The following RASA2 variants were observed in gnomAD, a reference collection of about 807,000 sequenced individuals.
RASA2 encodes RAS p21 protein activator 2.
A neutral mutation model predicts 118.2 loss-of-function variants in RASA2; 155 were observed. The observed-to-expected ratio is 1.31, with a 90% CI of 1.15 to 1.50. RASA2 has a LOEUF of 1.50. Among genes scored for constraint, RASA2 ranks in the 40% most tolerant of loss-of-function variants. The probability of loss-of-function intolerance (pLI) is 0.00; values close to 1 mark genes in which losing one functional copy is unlikely to be tolerated. For synonymous variants in RASA2, 353 were observed against 349.1 expected (o/e 1.01, Z -0.12); for missense variants, 1,016 against 1,009.6 (o/e 1.01, Z -0.09).
chr3:141,549,484 C>CGTGTGTGTGTGTGT (rs56036122), intron 5 of RASA2, among the ~76,000 whole-genome samples: 39 of 145,296 alleles, frequency 2.7e-4, no homozygotes, highest in East Asian at 1.0e-3. Flanking sequence ...TGTGTGTGTG[C>CGTGTGTGTGTGTGT]GTGTGTGTGT....
At chr3:141,567,834 G>A (rs2082846081) in intron 9 of RASA2, among the ~76,000 whole-genome samples, 1 of 152,168 alleles carries the variant, frequency 6.6e-6, no homozygotes, top group African/African-American at 2.4e-5. Context: ...AGAGGTTGAG[G>A]ATTTTCTGCA....
chr3:141,600,248 G>A (rs1577817596), intron 19 of RASA2: 5 of 513,822 alleles, frequency 9.7e-6, no homozygotes, highest in South Asian at 7.4e-5. Flanking sequence ...AGGAAAGAAG[G>A]AGGACACCCT....
chr3:141,547,626 G>A (rs1473005026), intron 5 of RASA2, among the ~76,000 whole-genome samples: 2 of 152,068 alleles, frequency 1.3e-5, no homozygotes, highest in African/African-American at 4.8e-5. Flanking sequence ...TTCCAAATAA[G>A]ATCATATCAT....
At chr3:141,572,466 T>C (rs905384588) in intron 11 of RASA2, 143 bp from the exon 12 acceptor site, 2 of 572,426 alleles carry the variant, frequency 3.5e-6, no homozygotes. Flanking sequence ...TAAAAATTAC[T>C]AAAATTGTAG....
chr3:141,573,447 C>T (rs1047275467), intron 13 of RASA2, among the ~76,000 whole-genome samples: 1 of 152,108 alleles, frequency 6.6e-6, no homozygotes, highest in Admixed American at 6.5e-5. Context: ...CTTTTTGGCT[C>T]TAGTAACAAT....
intron 9 of RASA2, among the ~76,000 whole-genome samples, chr3:141,564,542 G>T (rs1277875590): frequency 6.6e-6 from 1 of 152,166 alleles, no homozygotes; most frequent in African/African-American, 2.4e-5. Flanking sequence ...GGGGGTAGGG[G>T]ATTCTGGTCC....
intron 19 of RASA2, among the ~76,000 whole-genome samples, chr3:141,593,849 T>C (rs1294388526): frequency 1.6e-4 from 25 of 152,150 alleles, no homozygotes; most frequent in Admixed American, 1.6e-3. Context: ...CAAGGGAAGG[T>C]AACTGAATCC....
intron 5 of RASA2, among the ~76,000 whole-genome samples, chr3:141,547,434 G>C (rs1452154216): frequency 6.6e-6 from 1 of 151,892 alleles, no homozygotes; most frequent in African/African-American, 2.4e-5. Context: ...TTAATTCCTA[G>C]CTATTTTGTT....
At chr3:141,590,289 C>T (rs991932147) in intron 19 of RASA2, 2 of 389,722 alleles carry the variant, frequency 5.1e-6, no homozygotes, top group African/African-American at 4.2e-5. Context: ...CAGCTAAATG[C>T]CTTGGACTGC....
Position 141,512,227 on chromosome 3 carries a change from A to G in RASA2, c.198A>G (p.Ile66Met), listed in dbSNP as rs1389077661. 1 of 1,598,212 alleles carries G rather than the reference A, an allele frequency of 6.3e-7. No individual in the cohort carries two copies. ...PHKMRDCFCT[I>M]NLDQEEVYRT... Reference sequence around the variant, plus strand: ...AAATGAGAGATTGTTTCTGTACCATAAATTTGGACCAGGAAGAAGTTTATC... The same window carrying G: ...AAATGAGAGATTGTTTCTGTACCATGAATTTGGACCAGGAAGAAGTTTATC... The change falls in exon 2 of 24, where the codon ATA becomes ATG. Residue 66 changes from isoleucine to methionine, a missense_variant. Physicochemically the swap from Ile to Met is conservative, Grantham distance 10. Coordinates refer to ENST00000286364, the MANE Select transcript of RASA2 (RefSeq NM_006506.5).
At chr3:141,607,812 A>C in intron 20 of RASA2, 52 bp downstream of exon 20, 4 of 1,474,490 alleles carry the variant, frequency 2.7e-6, no homozygotes, top group Non-Finnish European at 3.6e-6. Context: ...TATATTACTT[A>C]AGTATTTGTA....
chr3:141,585,626 CTG>C (rs2083188352), intron 17 of RASA2, among the ~76,000 whole-genome samples: 1 of 151,966 alleles, frequency 6.6e-6, no homozygotes, highest in African/African-American at 2.4e-5. Context: ...TAGCGTAACC[CTG>C]TCTCTACTAA....
chr3:141,581,266 C>T, intron 17 of RASA2, 89 bp downstream of exon 17: 2 of 997,370 alleles, frequency 2.0e-6, no homozygotes, highest in Non-Finnish European at 2.6e-6. Context: ...TATCAATCCC[C>T]AGTTTAAATA....
At chr3:141,558,770 T>C in intron 7 of RASA2, 116 bp from the exon 8 acceptor site, 1 of 809,586 alleles carries the variant, frequency 1.2e-6, no homozygotes, top group Admixed American at 2.4e-5. Context: ...AAATATTACT[T>C]GGACATTTTC....
chr3:141,500,216 T>C (rs991772131), intron 1 of RASA2, among the ~76,000 whole-genome samples: 3 of 152,094 alleles, frequency 2.0e-5, no homozygotes, highest in Non-Finnish European at 2.9e-5. Flanking sequence ...TTCTTGACAG[T>C]CCCCCCTCCT....
intron 5 of RASA2, among the ~76,000 whole-genome samples, chr3:141,553,569 T>C (rs2082604493): frequency 6.6e-6 from 1 of 152,212 alleles, no homozygotes; most frequent in Admixed American, 6.5e-5. Context: ...TGGAGGACTT[T>C]GGATTTTTGA....
chr3:141,606,448 G>A (rs1334839517), intron 19 of RASA2, among the ~76,000 whole-genome samples: 1 of 151,954 alleles, frequency 6.6e-6, no homozygotes, highest in African/African-American at 2.4e-5. Context: ...TTTCATTGTA[G>A]CATTCATCTC....
intron 1 of RASA2, among the ~76,000 whole-genome samples, chr3:141,489,322 A>G (rs1165032943): frequency 6.6e-6 from 1 of 152,238 alleles, no homozygotes; most frequent in Non-Finnish European, 1.5e-5. Context: ...GTTGGTTGAC[A>G]TTCAGAACCT....
chr3:141,580,085 A>AAAAATATATAT (rs1553797703), intron 15 of RASA2, among the ~76,000 whole-genome samples: 5 of 59,598 alleles, frequency 8.4e-5, no homozygotes, highest in East Asian at 7.9e-4. Flanking sequence ...AAAAAAAAAA[A>AAAAATATATAT]ATATATATAT....
Sources: gnomAD v4.1 joint callset for allele counts (sites outside exome capture counted in the v4.1 genomes callset) on GRCh38, gnomAD v4.1.1 for gene constraint, MANE v1.5 for transcripts, NCBI Gene and HGNC (gene_info 2026-07-23, HGNC 2026-07-21) for gene names.